SLC20A2: variants seen among roughly 807,000 people sequenced by gnomAD.
SLC20A2 encodes sodium-dependent phosphate transporter 2.
SLC20A2 carries 30 observed loss-of-function variants against 61.0 expected under a neutral mutation model. The ratio of observed to expected loss-of-function variants is 0.49; its 90% CI spans 0.37 to 0.67. The LOEUF (loss-of-function observed/expected upper bound fraction) is 0.67, where lower values mean the gene tolerates loss of function less well. SLC20A2 is among the 30% of genes least tolerant of loss of function. SLC20A2 has a pLI of 0.00. For missense variants in SLC20A2, 626 were observed against 866.4 expected, an observed-to-expected ratio of 0.72 and a Z score of 3.48; for synonymous variants, 351 against 353.3, an observed-to-expected ratio of 0.99 and a Z score of 0.07.
At chr8:42,449,757 C>G (rs910889802) in intron 5 of SLC20A2, among the ~76,000 whole-genome samples, 6 of 152,228 alleles carry the variant, frequency 3.9e-5, no homozygotes, top group African/African-American at 1.4e-4. Flanking sequence ...TCATCCTCCC[C>G]TCTTCAACTT....
At chr8:42,525,613 A>G (rs1037909676) in intron 1 of SLC20A2, among the ~76,000 whole-genome samples, 1 of 151,796 alleles carries the variant, frequency 6.6e-6, no homozygotes, top group South Asian at 2.1e-4. Context: ...AAAGAAAGTA[A>G]AATGGGCAGA....
chr8:42,420,157 GCCTGGGTGACA>G (rs1802948512), intron 10 of SLC20A2, among the ~76,000 whole-genome samples: 1 of 151,396 alleles, frequency 6.6e-6, no homozygotes, highest in Non-Finnish European at 1.5e-5. Flanking sequence ...CTGCACTCCA[GCCTGGGTGACA>G]GAGTAAAACT....
intron 2 of SLC20A2, among the ~76,000 whole-genome samples, chr8:42,471,710 GA>G (rs1485325236): frequency 6.6e-6 from 1 of 152,000 alleles, no homozygotes; most frequent in Non-Finnish European, 1.5e-5. Flanking sequence ...AAAACCTTAA[GA>G]AAAAAATCTA....
chr8:42,506,506 T>C (rs933433629), intron 1 of SLC20A2, among the ~76,000 whole-genome samples: 3 of 152,240 alleles, frequency 2.0e-5, no homozygotes, highest in Non-Finnish European at 4.4e-5. Context: ...GTATGGTACT[T>C]GCTGAAGGGC....
chr8:42,537,346 G>A (rs181780827), intron 1 of SLC20A2, among the ~76,000 whole-genome samples: 69 of 146,418 alleles, frequency 4.7e-4, no homozygotes, highest in Admixed American at 2.3e-3. Flanking sequence ...ACTCTAACCC[G>A]GGCGACAGAG....
intron 5 of SLC20A2, among the ~76,000 whole-genome samples, chr8:42,450,204 A>G (rs2131087342): frequency 6.6e-6 from 1 of 151,596 alleles, no homozygotes; most frequent in Non-Finnish European, 1.5e-5. Flanking sequence ...TTTTTTGCAC[A>G]TGGTACCAAG....
chr8:42,451,804 A>G (rs184724871), intron 5 of SLC20A2, among the ~76,000 whole-genome samples: 1 of 141,042 alleles, frequency 7.1e-6, no homozygotes, highest in Non-Finnish European at 1.5e-5. Context: ...GAGGAGGAAG[A>G]GATGGAGGAG....
chr8:42,457,637 C>T (rs1806320266), intron 5 of SLC20A2, among the ~76,000 whole-genome samples: 1 of 152,088 alleles, frequency 6.6e-6, no homozygotes, highest in African/African-American at 2.4e-5. Context: ...CAGGCGCGCA[C>T]CATCACGCCC....
At chr8:42,484,838 C>T (rs1304625604) in intron 1 of SLC20A2, 3 of 333,962 alleles carry the variant, frequency 9.0e-6, no homozygotes, top group South Asian at 2.6e-5. Flanking sequence ...GGGCATCCAG[C>T]CAGCTGGGTG....
At chr8:42,447,459 C>T (rs1021135774) in intron 5 of SLC20A2, among the ~76,000 whole-genome samples, 2 of 152,074 alleles carry the variant, frequency 1.3e-5, no homozygotes, top group Non-Finnish European at 2.9e-5. Flanking sequence ...GGGCAGATCA[C>T]AAGGTCAGGA....
At chr8:42,463,913 G>C (rs1806907358) in intron 3 of SLC20A2, among the ~76,000 whole-genome samples, 1 of 151,928 alleles carries the variant, frequency 6.6e-6, no homozygotes, top group African/African-American at 2.4e-5. Flanking sequence ...TTCACGATGG[G>C]TGGGATGGTA....
intron 1 of SLC20A2, chr8:42,536,305 T>A (rs1812692691): frequency 6.6e-6 from 1 of 152,222 alleles, no homozygotes; most frequent in Admixed American, 6.5e-5. Context: ...AGATAAATGA[T>A]ATGATATCCT....
chr8:42,419,292 G>A (rs1041377924), intron 10 of SLC20A2, among the ~76,000 whole-genome samples: 3 of 151,978 alleles, frequency 2.0e-5, no homozygotes, highest in African/African-American at 4.8e-5. Context: ...TTACCAGGCC[G>A]GGCATGGTGG....
chr8:42,507,790 A>AT (rs1810794688), intron 1 of SLC20A2, among the ~76,000 whole-genome samples: 1 of 152,264 alleles, frequency 6.6e-6, no homozygotes, highest in Non-Finnish European at 1.5e-5. Context: ...TAAGGGAGTA[A>AT]TTAGTAAGCA....
At chr8:42,534,521 A>G (rs187255091) in intron 1 of SLC20A2, 1 of 152,246 alleles carries the variant, frequency 6.6e-6, no homozygotes, top group Non-Finnish European at 1.5e-5. Context: ...AATAGTAAAG[A>G]GTAATGCTGG....
At chr8:42,450,407 T>G (rs1011781956) in intron 5 of SLC20A2, among the ~76,000 whole-genome samples, 2 of 152,062 alleles carry the variant, frequency 1.3e-5, no homozygotes, top group African/African-American at 4.8e-5. Context: ...TTTGTATTTT[T>G]AGTAGAGATG....
At chr8:42,481,787 G>A (rs1261921089) in intron 1 of SLC20A2, among the ~76,000 whole-genome samples, 1 of 152,120 alleles carries the variant, frequency 6.6e-6, no homozygotes, top group African/African-American at 2.4e-5. Flanking sequence ...ACTTACTTTG[G>A]CGTTTGGTTC....
intron 5 of SLC20A2, among the ~76,000 whole-genome samples, chr8:42,453,769 G>A (rs769850453): frequency 1.3e-5 from 2 of 152,176 alleles, no homozygotes; most frequent in Non-Finnish European, 2.9e-5. Context: ...CTCTAGGCAA[G>A]CCCCTTGAGA....
intron 3 of SLC20A2, among the ~76,000 whole-genome samples, chr8:42,464,253 G>A (rs1405035266): frequency 6.7e-6 from 1 of 149,388 alleles, no homozygotes; most frequent in East Asian, 1.9e-4. Flanking sequence ...GACTACAAGT[G>A]CGCACCATCA....
Sources: allele counts gnomAD v4.1 joint callset (sites outside exome capture counted in the v4.1 genomes callset), GRCh38; gene constraint gnomAD v4.1.1; transcripts MANE v1.5; gene names NCBI Gene and HGNC (gene_info 2026-07-23, HGNC 2026-07-21).